The following TRPC5 variants were observed in gnomAD, a reference collection of about 807,000 sequenced individuals.
TRPC5 encodes transient receptor potential cation channel subfamily C member 5.
A neutral mutation model predicts 56.5 loss-of-function variants in TRPC5; 9 were observed. The ratio of observed to expected loss-of-function variants is 0.16; its 90% confidence interval spans 0.10 to 0.28. The LOEUF (loss-of-function observed/expected upper bound fraction) is 0.28, where lower values mean the gene tolerates loss of function less well. Among genes scored for constraint, TRPC5 ranks in the 10% least tolerant of loss-of-function variants. TRPC5 has a pLI of 1.00. For missense variants in TRPC5, 469 were observed against 748.9 expected (o/e 0.63, Z 4.36); for synonymous variants, 282 against 278.5 (o/e 1.01, Z -0.13).
chrX:112,022,397 T>C (rs59156217), intron 1 of TRPC5, among the ~76,000 whole-genome samples: 29,339 of 111,049 alleles, frequency 0.26, 5,158 homozygotes, highest in African/African-American at 0.64. Flanking sequence ...CTAAACAGCA[T>C]GTTAGAAAGT....
chrX:111,843,171 C>T (rs1385582150), intron 6 of TRPC5, among the ~76,000 whole-genome samples: 1 of 112,489 alleles, frequency 8.9e-6, no homozygotes, highest in Non-Finnish European at 1.9e-5. Context: ...GATAGGATTG[C>T]TTTTGGACGT....
intron 1 of TRPC5, among the ~76,000 whole-genome samples, chrX:112,018,924 T>C (rs1210176679): frequency 1.8e-5 from 2 of 112,339 alleles, no homozygotes; most frequent in African/African-American, 6.5e-5. Flanking sequence ...TATCTTGCCA[T>C]GTGGCTCCCA....
rs1925857099 is a variant in TRPC5, at chrX:111,912,769, G to A, written c.422C>T (p.Pro141Leu). 3.3e-6 allele frequency: 4 copies of A among 1,203,681 alleles called. No homozygotes were observed. Among genetic ancestry groups the A allele is most frequent in the Non-Finnish European group, 4.5e-6 (4 of 895,113 alleles). Residue 141 changes from proline to leucine, a missense_variant, in exon 3 of 11, where the codon CCG becomes CTG. By Grantham distance (98) the Pro-to-Leu change is moderately conservative. This residue lies in a region of TRPC5 where 118 missense variants were observed against 167.1 expected (regional missense o/e 0.71). Transcript: ENST00000262839. ...MMDTQFSEFT[P>L]DITPIMLAAH... ...AGCCAGCATGATGGGAGTGATGTCCGGTGTGAATTCAGAGAACTGCGTGTC... is the reference window on the plus strand; with the variant it reads ...AGCCAGCATGATGGGAGTGATGTCCAGTGTGAATTCAGAGAACTGCGTGTC...
chrX:112,027,994 C>A (rs908289385), intron 1 of TRPC5, among the ~76,000 whole-genome samples: 4 of 112,207 alleles, frequency 3.6e-5, no homozygotes, highest in Non-Finnish European at 5.6e-5. Flanking sequence ...GGATCTCTAT[C>A]CCAGGTGTCA....
At chrX:112,027,565 T>C (rs1929446785) in intron 1 of TRPC5, among the ~76,000 whole-genome samples, 3 of 111,463 alleles carry the variant, frequency 2.7e-5, no homozygotes, top group Admixed American at 9.5e-5. Flanking sequence ...GGCGCGATCT[T>C]GGCTCACTGC....
rs772641820 is a variant in TRPC5, at chrX:111,768,468, A to C, written c.*7845T>G. Among the ~76,000 whole-genome samples, 2 of 112,105 alleles carry C rather than the reference A, an allele frequency of 1.8e-5. No homozygotes were observed. Among genetic ancestry groups the C allele is most frequent in the East Asian group, 5.6e-4 (2 of 3,556 alleles). ...TCAACCCCATTTTTGAGAAATATGG[A>C]ATAAATAGAATCCTGTGAAGAGTTT... On this transcript the variant is annotated 3_prime_UTR_variant, in exon 11 of 11. Transcript: ENST00000262839.
chrX:111,801,646 T>A (rs1921313330), intron 7 of TRPC5, among the ~76,000 whole-genome samples: 1 of 112,184 alleles, frequency 8.9e-6, no homozygotes, highest in Admixed American at 9.5e-5. Context: ...TGCCGAATGA[T>A]GTTGAGGATG....
chrX:112,049,430 TATAC>T (rs1231350318), intron 1 of TRPC5, among the ~76,000 whole-genome samples: 1 of 103,002 alleles, frequency 9.7e-6, no homozygotes, highest in Non-Finnish European at 1.9e-5. Context: ...CACGCATATA[TATAC>T]ACACACACAC....
intron 1 of TRPC5, among the ~76,000 whole-genome samples, chrX:111,983,688 C>T (rs1928139041): frequency 9.0e-6 from 1 of 111,292 alleles, no homozygotes; most frequent in Non-Finnish European, 1.9e-5. Context: ...AACATTCTGC[C>T]CACTGAGAGG....
intron 3 of TRPC5, among the ~76,000 whole-genome samples, chrX:111,898,297 G>GCA (rs200189599): frequency 0.16 from 16,775 of 101,861 alleles, 2,678 homozygotes; most frequent in African/African-American, 0.48. Flanking sequence ...GCGTGTGTGC[G>GCA]CACACACACA....
At chrX:111,795,872 T>C (rs773478343) in intron 7 of TRPC5, among the ~76,000 whole-genome samples, 42 of 111,116 alleles carry the variant, frequency 3.8e-4, no homozygotes, top group Non-Finnish European at 5.9e-4. Context: ...CCACAAGTCT[T>C]TGAGGTTCTG....
chrX:111,925,482 G>A (rs1211812894), intron 2 of TRPC5, among the ~76,000 whole-genome samples: 1 of 111,983 alleles, frequency 8.9e-6, no homozygotes, highest in Non-Finnish European at 1.9e-5. Context: ...ATCTTTTGGG[G>A]GGTAATAAGG....
chrX:111,849,134 G>A lies in TRPC5; in HGVS notation c.1378-1698C>T, dbSNP rs375909917. ...GTTTTAAAACTAGAAATCAACAACT[G>A]GAACATGTATAGCTCATAATTTGGG... On this transcript the variant is annotated intron_variant, in intron 5 of 10. Coordinates refer to ENST00000262839, the MANE Select transcript of TRPC5 (RefSeq NM_012471.3). Among the ~76,000 whole-genome samples the A allele has an allele frequency of 1.9e-4, 21 of 112,305 alleles. No individual in the cohort carries two copies. In the East Asian group the frequency reaches 5.3e-3, roughly 28 times the overall value.
At chrX:111,841,159 G>C (rs1347728354) in intron 6 of TRPC5, among the ~76,000 whole-genome samples, 8 of 112,291 alleles carry the variant, frequency 7.1e-5, no homozygotes, top group Non-Finnish European at 1.1e-4. Context: ...TTGGCTGAAT[G>C]ATGGGTGGAG....
intron 1 of TRPC5, among the ~76,000 whole-genome samples, chrX:112,056,352 A>C (rs1234328040): frequency 8.9e-6 from 1 of 112,370 alleles, no homozygotes; most frequent in East Asian, 2.8e-4. Flanking sequence ...ATGTTTACTT[A>C]TTTACTCTAT....
intron 1 of TRPC5, among the ~76,000 whole-genome samples, chrX:112,053,660 C>A (rs1012391839): frequency 1.8e-5 from 2 of 110,791 alleles, no homozygotes; most frequent in South Asian, 7.8e-4. Flanking sequence ...TAAGGGATGG[C>A]TTGAATGGAG....
intron 7 of TRPC5, among the ~76,000 whole-genome samples, chrX:111,834,424 C>G (rs775314648): frequency 9.0e-6 from 1 of 111,616 alleles, no homozygotes; most frequent in African/African-American, 3.3e-5. Flanking sequence ...GAGCCCATCT[C>G]TATTTTTTAA....
intron 7 of TRPC5, among the ~76,000 whole-genome samples, chrX:111,821,664 GAAAT>G (rs755874858): frequency 4.0e-4 from 45 of 112,023 alleles, no homozygotes; most frequent in African/African-American, 1.5e-3. Context: ...AGGTTTCTCA[GAAAT>G]AAATAAAGTT....
At chrX:111,932,400 G>A (rs1327913803) in intron 2 of TRPC5, among the ~76,000 whole-genome samples, 1 of 111,493 alleles carries the variant, frequency 9.0e-6, no homozygotes, top group African/African-American at 3.3e-5. Flanking sequence ...TTAAAAATGG[G>A]ACACCGACAT....
Sources: allele counts gnomAD v4.1 joint callset (sites outside exome capture counted in the v4.1 genomes callset), GRCh38; gene constraint gnomAD v4.1.1; regional missense constraint gnomAD v4.1.1; transcripts MANE v1.5; gene names NCBI Gene and HGNC (gene_info 2026-07-23, HGNC 2026-07-21).